The following FNIP2 variants were observed in gnomAD, a reference collection of about 807,000 sequenced individuals.
FNIP2 encodes folliculin-interacting protein 2.
In FNIP2, 32 loss-of-function variants were observed where a neutral mutation model predicts 108.7. The ratio of observed to expected loss-of-function variants is 0.29; its 90% CI spans 0.22 to 0.40. FNIP2 has a LOEUF of 0.40. Ranked by LOEUF, FNIP2 falls within the 10% of genes least tolerant of loss-of-function variation. The pLI is 1.00. For missense variants in FNIP2, 1,202 were observed against 1,381.6 expected (o/e 0.87, Z 2.06); for synonymous variants, 480 against 496.7 (o/e 0.97, Z 0.45).
chr4:158,779,808 C>T lies in FNIP2; in HGVS notation c.107+10489C>T, dbSNP rs188941741. 3.4e-3 allele frequency among the ~76,000 whole-genome samples: 512 copies of T among 150,032 alleles called. 1 individual carries two copies. The highest frequency in any genetic ancestry group is 0.012 in the African/African-American group (470 of 40,706). ...GTGTTGCCCAGCGTAGTCTTGAACT[C>T]CAGGGCTCAAGTGATTCCCCCACCC... On this transcript the variant is annotated intron_variant, in intron 1 of 16. Coordinates refer to ENST00000264433, the MANE Select transcript of FNIP2 (RefSeq NM_020840.3).
intron 1 of FNIP2, among the ~76,000 whole-genome samples, chr4:158,806,841 T>C (rs550002252): frequency 6.6e-6 from 1 of 152,210 alleles, no homozygotes; most frequent in East Asian, 1.9e-4. Context: ...GGCAGCCAGG[T>C]GGTTGTGCTT....
intron 1 of FNIP2, among the ~76,000 whole-genome samples, chr4:158,823,206 C>A (rs893809720): frequency 6.6e-6 from 1 of 152,054 alleles, no homozygotes; most frequent in Non-Finnish European, 1.5e-5. Context: ...TTAACAAAAT[C>A]AACATATGTA....
chr4:158,893,583 A>G (rs1484149614), intron 15 of FNIP2: 2 of 826,016 alleles, frequency 2.4e-6, no homozygotes, highest in Non-Finnish European at 3.8e-6. Context: ...TACTCTTGCA[A>G]GACATCTGTC....
At position 158,869,096 on chromosome 4, in the gene FNIP2, C is replaced by T. The variant is rs1265927505; in HGVS notation, c.2460C>T (p.Gly820=). The T allele has an allele frequency of 6.2e-7, 1 of 1,613,846 alleles. No individual in the cohort carries two copies. Among genetic ancestry groups the T allele is most frequent in the African/African-American group, 1.3e-5 (1 of 74,910 alleles). ...AGQLSHAADL[G]TASHGAGGTG... ...AGCTCAGCCACGCTGCTGACTTGGGCACAGCCTCCCACGGTGCAGGAGGAA... is the reference window on the plus strand; with the variant it reads ...AGCTCAGCCACGCTGCTGACTTGGGTACAGCCTCCCACGGTGCAGGAGGAA... Residue 820 remains glycine, a synonymous_variant, in exon 13 of 17, where the codon GGC becomes GGT. Coordinates refer to ENST00000264433, the MANE Select transcript of FNIP2 (RefSeq NM_020840.3).
rs1304446405 is a variant in FNIP2, at chr4:158,868,667, G to A, written c.2031G>A (p.Met677Ile). 6.2e-7 allele frequency: 1 copy of A among 1,613,894 alleles called. No homozygotes were observed. The highest frequency in any genetic ancestry group is 1.3e-5 in the African/African-American group (1 of 74,934). The change falls in exon 13 of 17, where the codon ATG becomes ATA. Residue 677 changes from methionine to isoleucine, a missense_variant. Transcript: ENST00000264433. The surrounding 1 kb of genome is among the most constrained non-coding windows in gnomAD (Gnocchi z 4.6). ...AAGTTTTGGGGGCAGGAATGAAGAT[G>A]GACCAGCAAGCTGTCTGTGAGCTGT... ...SCEVLGAGMK[M>I]DQQAVCELLK...
Position 158,905,691 on chromosome 4 carries a change from A to C in FNIP2, c.*1147A>C, listed in dbSNP as rs1481788603. ...CGACCAAAATGATTTCCTAAAGTTC[A>C]TGCAAAAAAAAAAAAAAAACAACCT... On this transcript the variant is annotated 3_prime_UTR_variant, in exon 17 of 17. Transcript: ENST00000264433. 1 of 48,540 alleles carries C rather than the reference A, an allele frequency of 2.1e-5. No individual in the cohort carries two copies. Among genetic ancestry groups the C allele is most frequent in the South Asian group, 1.1e-3 (1 of 932 alleles). 3.0% of individuals were successfully genotyped at this position (48,540 alleles called of 1,614,324 possible). A position where few individuals can be genotyped will look rare whatever the true frequency, so the allele number is the denominator to read the frequency against.
intron 3 of FNIP2, among the ~76,000 whole-genome samples, chr4:158,830,933 A>G (rs1778449168): frequency 6.6e-6 from 1 of 152,214 alleles, no homozygotes; most frequent in Admixed American, 6.5e-5. Context: ...ATACGATTCT[A>G]GAGCTCCAGG....
chr4:158,861,662 A>G lies in FNIP2; in HGVS notation c.1351A>G (p.Thr451Ala), dbSNP rs765081062. Residue 451 changes from threonine to alanine, a missense_variant, in exon 12 of 17, where the codon ACT becomes GCT. Physicochemically the swap from Thr to Ala is moderately conservative, Grantham distance 58. Around this residue, in one of 5 missense-constraint regions of FNIP2, gnomAD observed 878 missense variants for 990.3 expected, o/e 0.89. Coordinates refer to ENST00000264433, the MANE Select transcript of FNIP2 (RefSeq NM_020840.3). ...VLTYHLAWVP[T>A]VMPVDHPPIK... is the part of the protein sequence containing the mutation. ...AACCTACCACCTGGCCTGGGTCCCA[A>G]CTGTCATGCCTGTGGATCACCCTCC... The G allele has an allele frequency of 7.4e-6, 12 of 1,613,986 alleles. No homozygotes were observed. Among genetic ancestry groups the G allele is most frequent in the Middle Eastern group, 1.6e-4 (1 of 6,062 alleles).
chr4:158,783,730 G>A (rs1202334554), intron 1 of FNIP2, among the ~76,000 whole-genome samples: 1 of 152,102 alleles, frequency 6.6e-6, no homozygotes, highest in African/African-American at 2.4e-5. Context: ...GAACTGCATT[G>A]CTCTAGGCTC....
intron 14 of FNIP2, among the ~76,000 whole-genome samples, chr4:158,874,923 C>A (rs1197770850): frequency 6.3e-5 from 9 of 142,740 alleles, no homozygotes; most frequent in African/African-American, 5.2e-5. Flanking sequence ...TACTAAAATA[C>A]AAAAAAAAAA....
At chr4:158,867,880 C>T (rs1413450644) in intron 12 of FNIP2, among the ~76,000 whole-genome samples, 4 of 152,210 alleles carry the variant, frequency 2.6e-5, no homozygotes, top group Non-Finnish European at 5.9e-5. Flanking sequence ...CAGCACGACT[C>T]CCACACACCA....
At chr4:158,802,129 A>G (rs1465374293) in intron 1 of FNIP2, among the ~76,000 whole-genome samples, 1 of 152,232 alleles carries the variant, frequency 6.6e-6, no homozygotes, top group East Asian at 1.9e-4. Flanking sequence ...CACTGGGATC[A>G]AGAAACAGCA....
At chr4:158,881,669 T>G (rs1781643456) in intron 14 of FNIP2, among the ~76,000 whole-genome samples, 1 of 152,234 alleles carries the variant, frequency 6.6e-6, no homozygotes, top group Non-Finnish European at 1.5e-5. Context: ...GCCGGGCTGG[T>G]CTCCAGCTCC....
At chr4:158,791,806 TA>T (rs1362582586) in intron 1 of FNIP2, among the ~76,000 whole-genome samples, 1 of 152,180 alleles carries the variant, frequency 6.6e-6, no homozygotes, top group Admixed American at 6.5e-5. Context: ...GTCTGAGGGT[TA>T]TATACATCAG....
At chr4:158,881,796 C>G (rs1022941670) in intron 14 of FNIP2, among the ~76,000 whole-genome samples, 1 of 150,908 alleles carries the variant, frequency 6.6e-6, no homozygotes, top group African/African-American at 2.4e-5. Flanking sequence ...GATCTCGGCT[C>G]GCTACAACCT....
intron 1 of FNIP2, among the ~76,000 whole-genome samples, chr4:158,789,183 C>A (rs1776320820): frequency 1.3e-5 from 2 of 152,134 alleles, no homozygotes; most frequent in African/African-American, 4.8e-5. Flanking sequence ...CGAATAAGTG[C>A]TGTAGAATCC....
chr4:158,781,738 A>T (rs910603636), intron 1 of FNIP2, among the ~76,000 whole-genome samples: 6 of 152,194 alleles, frequency 3.9e-5, no homozygotes, highest in South Asian at 2.1e-4. Context: ...GCTGGTCTCG[A>T]ACTCCTGGCT....
chr4:158,785,710 C>CT (rs11399957), intron 1 of FNIP2, among the ~76,000 whole-genome samples: 49,790 of 143,988 alleles, frequency 0.35, 8,707 homozygotes, highest in Middle Eastern at 0.44. Context: ...TTCTTTCTTT[C>CT]TTTTTTTTTT....
intron 14 of FNIP2, among the ~76,000 whole-genome samples, chr4:158,876,724 C>T (rs971736907): frequency 2.0e-5 from 3 of 152,172 alleles, no homozygotes; most frequent in Non-Finnish European, 2.9e-5. Flanking sequence ...TGCTCACTAA[C>T]GTTAGTTGAC....
Sources: gnomAD v4.1 joint callset for allele counts (sites outside exome capture counted in the v4.1 genomes callset) on GRCh38, gnomAD v4.1.1 for gene constraint, gnomAD v4.1.1 regional missense constraint, Gnocchi (gnomAD v3.1) non-coding constraint, MANE v1.5 for transcripts, NCBI Gene and HGNC (gene_info 2026-07-23, HGNC 2026-07-21) for gene names.